TMEM132B: variants seen among roughly 807,000 people sequenced by gnomAD.
The protein encoded by TMEM132B is transmembrane protein 132B.
Under a neutral mutation model 90.8 loss-of-function variants are expected in TMEM132B, and 18 were observed. That is an observed-to-expected ratio of 0.20 (90% CI 0.14 to 0.29). The LOEUF (loss-of-function observed/expected upper bound fraction) is 0.29. Ranked by LOEUF, TMEM132B falls within the 10% of genes least tolerant of loss-of-function variation. The pLI is 1.00. For synonymous variants in TMEM132B, 504 were observed against 523.3 expected, an observed-to-expected ratio of 0.96 and a Z score of 0.50; for missense variants, 1,096 against 1,326.8, an observed-to-expected ratio of 0.83 and a Z score of 2.70.
At chr12:125,546,343 C>T (rs544039292) in intron 4 of TMEM132B, among the ~76,000 whole-genome samples, 31 of 152,026 alleles carry the variant, frequency 2.0e-4, no homozygotes, top group Admixed American at 9.2e-4. Flanking sequence ...CCACCACGCC[C>T]GGCTAATTTT....
chr12:125,540,850 T>C (rs1883936561), intron 4 of TMEM132B, among the ~76,000 whole-genome samples: 1 of 152,264 alleles, frequency 6.6e-6, no homozygotes, highest in Non-Finnish European at 1.5e-5. Flanking sequence ...ATCCTTATCA[T>C]GACCTAGTAG....
At chr12:125,569,231 A>C (rs1299867389) in intron 4 of TMEM132B, among the ~76,000 whole-genome samples, 1 of 152,132 alleles carries the variant, frequency 6.6e-6, no homozygotes, top group Admixed American at 6.5e-5. Flanking sequence ...GTCACTCAGC[A>C]GTATCACCAT....
At chr12:125,555,796 A>G (rs952993765) in intron 4 of TMEM132B, among the ~76,000 whole-genome samples, 1 of 152,178 alleles carries the variant, frequency 6.6e-6, no homozygotes, top group African/African-American at 2.4e-5. Flanking sequence ...TTTGCATAAG[A>G]AACAGAAAGT....
In TMEM132B at chr12:125,335,300, C is replaced by T. The variant is rs1392955931; in HGVS notation, c.68-14152C>T. Among the ~76,000 whole-genome samples the T allele has an allele frequency of 2.0e-5, 3 of 152,210 alleles. No homozygotes were observed. The East Asian group carries it at 5.8e-4, about 29-fold the overall frequency. Reference sequence around the variant, plus strand: ...AAAAATAGAGATTTTTTGTTGTTTCCTACCTAGAATTCCCTTGTTCTTTTT... The same window carrying T: ...AAAAATAGAGATTTTTTGTTGTTTCTTACCTAGAATTCCCTTGTTCTTTTT... On this transcript the variant is annotated intron_variant, in intron 1 of 8. Coordinates refer to ENST00000682704, the MANE Select transcript of TMEM132B (RefSeq NM_001366854.1).
intron 1 of TMEM132B, among the ~76,000 whole-genome samples, chr12:125,270,112 TTGTGTGTGTGTGTGTGTG>T (rs59168219): frequency 7.0e-5 from 10 of 143,144 alleles, no homozygotes; most frequent in African/African-American, 2.6e-4. Context: ...CACATCTTTG[TTGTGTGTGTGTGTGTGTG>T]TGTGTGTGTG....
chr12:125,490,842 C>G lies in TMEM132B; in HGVS notation c.1107-28597C>G, dbSNP rs7299437. 0.78 allele frequency among the ~76,000 whole-genome samples: 119,092 copies of G among 152,126 alleles called. 47,003 individuals carry two copies. Among genetic ancestry groups the G allele is most frequent in the Middle Eastern group, 0.95 (278 of 294 alleles). On this transcript the variant is annotated intron_variant, in intron 3 of 8. Coordinates refer to ENST00000682704, the MANE Select transcript of TMEM132B (RefSeq NM_001366854.1). This position sits in a 1 kb window ranked among gnomAD's most constrained non-coding sequence, Gnocchi z 4.2. ...GTACTCTATGGTGAAAGCAATGTGC[C>G]ACTTAAAAGACTAGGTCTCAAAAAG...
chr12:125,578,480 C>CAAA (rs915307485), intron 4 of TMEM132B, among the ~76,000 whole-genome samples: 9 of 152,078 alleles, frequency 5.9e-5, no homozygotes, highest in African/African-American at 2.2e-4. Flanking sequence ...ATGTCCCAAA[C>CAAA]AAAAATATGT....
At chr12:125,609,164 G>C (rs745721245) in intron 5 of TMEM132B, among the ~76,000 whole-genome samples, 1 of 152,084 alleles carries the variant, frequency 6.6e-6, no homozygotes, top group Non-Finnish European at 1.5e-5. Context: ...ACTTGGTCCC[G>C]CCCTTGACTC....
At chr12:125,612,171 A>G (rs1015459378) in intron 5 of TMEM132B, among the ~76,000 whole-genome samples, 2 of 152,034 alleles carry the variant, frequency 1.3e-5, no homozygotes, top group Non-Finnish European at 2.9e-5. Flanking sequence ...TTTAATTTTA[A>G]TTTTTTAAAA....
intron 5 of TMEM132B, among the ~76,000 whole-genome samples, chr12:125,643,031 G>A (rs111310027): frequency 6.6e-6 from 1 of 152,302 alleles, no homozygotes; most frequent in African/African-American, 2.4e-5. Flanking sequence ...TTCTGACATT[G>A]TTCTTGAGCC....
At chr12:125,206,340 A>C (rs1253098945) in intron 1 of TMEM132B, among the ~76,000 whole-genome samples, 1 of 150,408 alleles carries the variant, frequency 6.6e-6, no homozygotes, top group Non-Finnish European at 1.5e-5. Flanking sequence ...CCGGGTTCAC[A>C]TGATTCTCCT....
At chr12:125,298,391 C>T (rs963745585) in intron 1 of TMEM132B, among the ~76,000 whole-genome samples, 5 of 132,938 alleles carry the variant, frequency 3.8e-5, no homozygotes, top group Admixed American at 8.0e-5. Flanking sequence ...AGTGTTACAT[C>T]GGCAGGGCAT....
chr12:125,276,155 T>G (rs1874979704), intron 1 of TMEM132B, among the ~76,000 whole-genome samples: 1 of 152,258 alleles, frequency 6.6e-6, no homozygotes, highest in African/African-American at 2.4e-5. Flanking sequence ...ATTCCTTTGT[T>G]TATTTAAATA....
intron 1 of TMEM132B, among the ~76,000 whole-genome samples, chr12:125,212,769 C>T (rs1593043254): frequency 6.6e-6 from 1 of 152,176 alleles, no homozygotes; most frequent in Non-Finnish European, 1.5e-5. Context: ...TAGGTGTGAG[C>T]CACCATGCCC....
chr12:125,233,945 T>A (rs1317880090), intron 1 of TMEM132B, among the ~76,000 whole-genome samples: 1 of 152,198 alleles, frequency 6.6e-6, no homozygotes, highest in Non-Finnish European at 1.5e-5. Flanking sequence ...TGGAATTTTT[T>A]GCTGATTTTA....
At chr12:125,494,608 C>G (rs1275775494) in intron 3 of TMEM132B, among the ~76,000 whole-genome samples, 5 of 90,596 alleles carry the variant, frequency 5.5e-5, no homozygotes, top group Admixed American at 1.2e-4. Flanking sequence ...CTGAAAATGG[C>G]CGCGTCCCTC....
At chr12:125,321,514 G>A (rs1282416685) in intron 1 of TMEM132B, among the ~76,000 whole-genome samples, 1 of 135,908 alleles carries the variant, frequency 7.4e-6, no homozygotes, top group African/African-American at 2.8e-5. Context: ...TTTTGTTCCT[G>A]TTGCTCAGGC....
rs563845991 is a variant in TMEM132B, at chr12:125,349,135, C to T, written c.68-317C>T. On this transcript the variant is annotated intron_variant, in intron 1 of 8. Transcript: ENST00000682704. The surrounding 1 kb of genome is among the most constrained non-coding windows in gnomAD (Gnocchi z 4.1). The stretch of plus-strand genomic sequence containing the variant: ...TTTTATCTGTGGGGTAGATGAACAA[C>T]GATGACCATGATCTTTTGAGTTTAT... Among the ~76,000 whole-genome samples, 20 of 152,252 alleles carry T rather than the reference C, an allele frequency of 1.3e-4. No homozygotes were observed. In the South Asian group the frequency reaches 3.7e-3, roughly 28 times the overall value.
At chr12:125,243,010 CATATAT>C (rs763167605) in intron 1 of TMEM132B, among the ~76,000 whole-genome samples, 2 of 109,356 alleles carry the variant, frequency 1.8e-5, no homozygotes, top group Admixed American at 9.9e-5. Context: ...TCTCTTTCTT[CATATAT>C]ATATATATAT....
Sources: allele counts gnomAD v4.1 joint callset (sites outside exome capture counted in the v4.1 genomes callset), GRCh38; gene constraint gnomAD v4.1.1; non-coding constraint Gnocchi (gnomAD v3.1); transcripts MANE v1.5; gene names NCBI Gene and HGNC (gene_info 2026-07-23, HGNC 2026-07-21).